Variants in SLIT1 observed in about 807,000 individuals in gnomAD.
The protein encoded by SLIT1 is slit homolog 1 protein.
A neutral mutation model predicts 186.1 loss-of-function variants in SLIT1; 66 were observed. That is an observed-to-expected ratio of 0.35 (90% CI 0.29 to 0.44). SLIT1 has a LOEUF of 0.44. Among genes scored for constraint, SLIT1 ranks in the 20% least tolerant of loss-of-function variants. The pLI is 1.00. For missense variants in SLIT1, 1,638 were observed against 2,037.4 expected, an observed-to-expected ratio of 0.80 and a Z score of 3.77; for synonymous variants, 761 against 833.8, an observed-to-expected ratio of 0.91 and a Z score of 1.50.
chr10:97,130,201 T>G (rs1849640356), intron 4 of SLIT1, among the ~76,000 whole-genome samples: 1 of 152,218 alleles, frequency 6.6e-6, no homozygotes, highest in Non-Finnish European at 1.5e-5. Flanking sequence ...CTAGCTGGTA[T>G]GGTGATTTCT....
Position 97,043,278 on chromosome 10 carries a change from C to A in SLIT1, c.1997+92G>T. ...TCAGCAAACCACGAAGACCCAGCACCCCCAGGGTGAGCTCTTTCAAAGTGG... is the reference window on the plus strand; with the variant it reads ...TCAGCAAACCACGAAGACCCAGCACACCCAGGGTGAGCTCTTTCAAAGTGG... On this transcript the variant is annotated intron_variant, in intron 19 of 36. Coordinates refer to ENST00000266058, the MANE Select transcript of SLIT1 (RefSeq NM_003061.3). The surrounding 1 kb of genome is among the most constrained non-coding windows in gnomAD (Gnocchi z 7.0). The A allele has an allele frequency of 6.6e-7, 1 of 1,522,616 alleles. No individual in the cohort carries two copies. Among genetic ancestry groups the A allele is most frequent in the South Asian group, 1.2e-5 (1 of 86,446 alleles). 94.3% of individuals were successfully genotyped at this position (1,522,616 alleles called of 1,614,324 possible).
chr10:97,150,032 A>G (rs928521040), intron 4 of SLIT1, among the ~76,000 whole-genome samples: 1 of 152,162 alleles, frequency 6.6e-6, no homozygotes, highest in African/African-American at 2.4e-5. Context: ...GGAACATCTC[A>G]ATATCTTGAA....
intron 1 of SLIT1, among the ~76,000 whole-genome samples, chr10:97,171,272 C>T (rs1850184968): frequency 6.6e-6 from 1 of 152,006 alleles, no homozygotes; most frequent in Non-Finnish European, 1.5e-5. Flanking sequence ...AGAGGCCTAA[C>T]ACCCCAATCT....
intron 4 of SLIT1, among the ~76,000 whole-genome samples, chr10:97,131,369 A>T (rs1849652767): frequency 6.6e-6 from 1 of 152,240 alleles, no homozygotes; most frequent in Non-Finnish European, 1.5e-5. Flanking sequence ...GGTGGATGTG[A>T]AGCCACAAAT....
intron 4 of SLIT1, among the ~76,000 whole-genome samples, chr10:97,083,389 G>A (rs769681087): frequency 6.6e-6 from 1 of 152,194 alleles, no homozygotes; most frequent in African/African-American, 2.4e-5. Context: ...AAACTGACGG[G>A]CAAGTGTGTG....
At chr10:97,058,848 A>G (rs1848865032) in intron 11 of SLIT1, among the ~76,000 whole-genome samples, 1 of 152,178 alleles carries the variant, frequency 6.6e-6, no homozygotes, top group African/African-American at 2.4e-5. Flanking sequence ...GTGCTGTAGG[A>G]CCTCGGGTAG....
chr10:97,036,735 T>C (rs1310243478), intron 22 of SLIT1, among the ~76,000 whole-genome samples: 3 of 152,228 alleles, frequency 2.0e-5, no homozygotes, highest in African/African-American at 4.8e-5. Flanking sequence ...TCTCTGGACT[T>C]CTTTTTGGTA....
intron 13 of SLIT1, among the ~76,000 whole-genome samples, chr10:97,054,163 A>G (rs1486549847): frequency 2.0e-5 from 3 of 150,482 alleles, no homozygotes; most frequent in African/African-American, 7.3e-5. Context: ...ATAAGAGTGG[A>G]TCCCTCATGA....
At chr10:97,058,512 C>T (rs997316347) in intron 11 of SLIT1, among the ~76,000 whole-genome samples, 1 of 152,228 alleles carries the variant, frequency 6.6e-6, no homozygotes, top group African/African-American at 2.4e-5. Context: ...TGACAACGAT[C>T]CCTCACCAGG....
intron 4 of SLIT1, among the ~76,000 whole-genome samples, chr10:97,147,634 G>C (rs1018683103): frequency 2.7e-5 from 4 of 149,654 alleles, no homozygotes; most frequent in African/African-American, 5.0e-5. Context: ...AGAGCTGGGA[G>C]GGGGGGGAAG....
At chr10:97,067,504 G>A (rs143611785) in intron 4 of SLIT1, among the ~76,000 whole-genome samples, 38 of 152,334 alleles carry the variant, frequency 2.5e-4, no homozygotes, top group African/African-American at 8.7e-4. Flanking sequence ...AAGGAGAAAA[G>A]GGAGGCTCAG....
Position 97,046,813 on chromosome 10 carries a change from G to A in SLIT1, c.1710-16C>T, listed in dbSNP as rs769191607. On this transcript the variant is annotated splice_polypyrimidine_tract_variant and intron_variant, in intron 17 of 36. Coordinates refer to ENST00000266058, the MANE Select transcript of SLIT1 (RefSeq NM_003061.3). ...GCTCAGATTGCTGGGAGAAGAGGCG[G>A]GGGGAGGATTACATATGGCCAGCAG... 3.7e-6 allele frequency: 6 copies of A among 1,609,572 alleles called. No homozygotes were observed. In the African/African-American group the frequency reaches 4.0e-5, roughly 11 times the overall value.
intron 11 of SLIT1, among the ~76,000 whole-genome samples, chr10:97,058,951 A>G (rs936493729): frequency 6.6e-6 from 1 of 152,190 alleles, no homozygotes; most frequent in African/African-American, 2.4e-5. Flanking sequence ...AGGAAGGGAA[A>G]TACTGAAGGA....
chr10:97,180,488 C>G (rs1850320222), intron 1 of SLIT1, among the ~76,000 whole-genome samples: 1 of 152,218 alleles, frequency 6.6e-6, no homozygotes, highest in South Asian at 2.1e-4. Flanking sequence ...TGGACTAAAA[C>G]TCGGGTTTCT....
At chr10:97,104,282 T>C (rs949317396) in intron 4 of SLIT1, among the ~76,000 whole-genome samples, 1 of 152,040 alleles carries the variant, frequency 6.6e-6, no homozygotes, top group Non-Finnish European at 1.5e-5. Context: ...ATATGCTTAG[T>C]GTTCATGGAA....
rs993104580 is a variant in SLIT1, at chr10:97,034,668, A to C, written c.2367-126T>G. On this transcript the variant is annotated intron_variant, in intron 22 of 36. Transcript: ENST00000266058. ...CCAGCCAGGTTGGCCAGGGGTGGAG[A>C]GGAGCCCTGGTGCACAGCCTCGGGT... 7.7e-6 allele frequency: 6 copies of C among 783,508 alleles called. No homozygotes were observed. The African/African-American group carries it at 1.0e-4, about 13-fold the overall frequency. The allele number at this position is 783,508 out of a possible 1,614,324, so 48.5% of individuals were successfully genotyped here. A position where few individuals can be genotyped will look rare whatever the true frequency, so the allele number is the denominator to read the frequency against.
chr10:97,037,837 T>C, intron 21 of SLIT1, 71 bp from the exon 22 acceptor site: 1 of 1,305,078 alleles, frequency 7.7e-7, no homozygotes. Flanking sequence ...GGGACAGCCT[T>C]CCCTGCAGCC....
intron 4 of SLIT1, among the ~76,000 whole-genome samples, chr10:97,092,490 C>T (rs1396914002): frequency 1.3e-5 from 2 of 152,208 alleles, no homozygotes; most frequent in Admixed American, 6.5e-5. Context: ...GCCATAAGAA[C>T]ATGTGTGAGA....
chr10:97,172,733 C>T (rs1316575561), intron 1 of SLIT1, among the ~76,000 whole-genome samples: 1 of 152,076 alleles, frequency 6.6e-6, no homozygotes, highest in African/African-American at 2.4e-5. Context: ...AAGACCCTGT[C>T]TCAACAAAGA....
Sources: allele counts gnomAD v4.1 joint callset (sites outside exome capture counted in the v4.1 genomes callset), GRCh38; gene constraint gnomAD v4.1.1; non-coding constraint Gnocchi (gnomAD v3.1); transcripts MANE v1.5; gene names NCBI Gene and HGNC (gene_info 2026-07-23, HGNC 2026-07-21).